The following FAM47E variants were observed in gnomAD, a reference collection of about 807,000 sequenced individuals.
FAM47E encodes the protein protein FAM47E.
Under a neutral mutation model 41.6 loss-of-function variants are expected in FAM47E, and 32 were observed. That is an observed-to-expected ratio of 0.77 (90% CI 0.58 to 1.03). The LOEUF (loss-of-function observed/expected upper bound fraction) is 1.03. Ranked by LOEUF, FAM47E falls within the 50% of genes least tolerant of loss-of-function variation. The pLI is 0.00. For synonymous variants in FAM47E, 184 were observed against 188.7 expected (o/e 0.98, Z 0.20); for missense variants, 424 against 485.4 (o/e 0.87, Z 1.19).
chr4:76,239,213 T>A (rs1469585793), intron 2 of FAM47E, among the ~76,000 whole-genome samples: 3 of 152,126 alleles, frequency 2.0e-5, no homozygotes, highest in African/African-American at 7.2e-5. Context: ...TGTACAGATA[T>A]CTCTTTGATA....
At chr4:76,248,863 G>A (rs183672891), upstream of FAM47E, among the ~76,000 whole-genome samples, 5 of 152,058 alleles carry the variant, frequency 3.3e-5, no homozygotes, top group Admixed American at 6.5e-5. Flanking sequence ...GTGAGTATAT[G>A]TTATTTAAGA....
At chr4:76,274,186 T>C (rs1368117227) in intron 5 of FAM47E, among the ~76,000 whole-genome samples, 2 of 152,232 alleles carry the variant, frequency 1.3e-5, no homozygotes, top group Non-Finnish European at 2.9e-5. Flanking sequence ...TTACTGGGTG[T>C]TGACTATTTG....
chr4:76,237,116 CGATCTCCTGACCTCGT>C (rs897562024), intron 2 of FAM47E, among the ~76,000 whole-genome samples: 33 of 151,920 alleles, frequency 2.2e-4, no homozygotes, highest in African/African-American at 6.5e-4. Context: ...AGGATGGTCT[CGATCTCCTGACCTCGT>C]GATCCACCCG....
intron 1 of FAM47E, among the ~76,000 whole-genome samples, chr4:76,255,717 G>A (rs761381773): frequency 1.2e-4 from 19 of 152,082 alleles, no homozygotes; most frequent in African/African-American, 2.7e-4. Flanking sequence ...ATGTGGTGGC[G>A]GCAGTTGGAA....
At chr4:76,279,191 C>T (rs1735250179) in intron 6 of FAM47E, 1 of 152,058 alleles carries the variant, frequency 6.6e-6, no homozygotes, top group Admixed American at 6.5e-5. Context: ...GGCAGAATTT[C>T]TTAGTATGGT....
chr4:76,227,550 G>A (rs1733418962), intron 2 of FAM47E, among the ~76,000 whole-genome samples: 1 of 151,916 alleles, frequency 6.6e-6, no homozygotes, highest in Non-Finnish European at 1.5e-5. Flanking sequence ...ATATCTATCT[G>A]GGGTATAGTT....
chr4:76,253,808 T>TAAAAAA (rs11410378), intron 1 of FAM47E, among the ~76,000 whole-genome samples: 13 of 145,122 alleles, frequency 9.0e-5, no homozygotes, highest in Admixed American at 8.9e-4. Flanking sequence ...TGTCTCGAAT[T>TAAAAAA]AAAAAAAAAA....
intron 2 of FAM47E, among the ~76,000 whole-genome samples, chr4:76,245,508 G>T (rs1430925337): frequency 6.6e-6 from 1 of 152,128 alleles, no homozygotes; most frequent in Non-Finnish European, 1.5e-5. Flanking sequence ...AAAATAGCCT[G>T]ACTGTTCCCT....
In FAM47E at chr4:76,221,017, A is replaced by G. The variant is rs986659848; in HGVS notation, c.81+3329A>G. On this transcript the variant is annotated intron_variant, in intron 2 of 7. Transcript: ENST00000510197. ...GAAACTGTACAACTCACAGGCCCCA[A>G]GGTCCCTCACTGATTCCTAATCAAC... Among the ~76,000 whole-genome samples, 12 of 152,304 alleles carry G rather than the reference A, an allele frequency of 7.9e-5. No homozygotes were observed. The East Asian group carries it at 2.3e-3, about 29-fold the overall frequency.
At chr4:76,239,582 T>G (rs1276653129) in intron 2 of FAM47E, among the ~76,000 whole-genome samples, 1 of 152,182 alleles carries the variant, frequency 6.6e-6, no homozygotes, top group Non-Finnish European at 1.5e-5. Context: ...CATGTTGTTT[T>G]TTGTTGTTGT....
In FAM47E at chr4:76,251,743, C is replaced by G. The variant is rs1733970108; in HGVS notation, c.-4C>G. 1 of 1,482,494 alleles carries G rather than the reference C, an allele frequency of 6.7e-7. No homozygotes were observed. Among genetic ancestry groups the G allele is most frequent in the Non-Finnish European group, 8.9e-7 (1 of 1,123,294 alleles). 91.8% of individuals were successfully genotyped at this position (1,482,494 alleles called of 1,614,324 possible). A position where few individuals can be genotyped will look rare whatever the true frequency, so the allele number is the denominator to read the frequency against. On this transcript the variant is annotated 5_prime_UTR_variant, in exon 1 of 8. Transcript: ENST00000424749. ...CGGACGGTGGCCGCGAAGCTAGGGC[C>G]ACCATGGCGGACCGCAGGCGGCGGC... is the stretch of plus-strand genomic sequence containing the variant.
At chr4:76,233,238 T>C (rs973932048) in intron 2 of FAM47E, among the ~76,000 whole-genome samples, 5 of 152,008 alleles carry the variant, frequency 3.3e-5, no homozygotes, top group Admixed American at 3.3e-4. Flanking sequence ...CAGCCAAGTT[T>C]TGCCTTCTTA....
At chr4:76,230,093 CAA>C (rs1362535127) in intron 2 of FAM47E, among the ~76,000 whole-genome samples, 18 of 152,160 alleles carry the variant, frequency 1.2e-4, no homozygotes, top group African/African-American at 4.3e-4. Context: ...ATGAAGCTCC[CAA>C]AAGTTTATGT....
chr4:76,283,408 G>GA lies in FAM47E; in HGVS notation c.1134dup (p.Cys379MetfsTer2). ...CCTTGAGAATATGTATATCGGGAAGGAATGTAAACGTGCATGTAATAAGAC... is the reference window on the plus strand; with the variant it reads ...CCTTGAGAATATGTATATCGGGAAGGAAATGTAAACGTGCATGTAATAAGAC... On this transcript the variant is annotated frameshift_variant, in exon 8 of 8. Coordinates refer to ENST00000424749, the MANE Select transcript of FAM47E (RefSeq NM_001136570.3). LOFTEE classifies it low-confidence loss of function (END_TRUNC). 1 of 1,548,362 alleles carries GA rather than the reference G, an allele frequency of 6.5e-7. No individual in the cohort carries two copies. Among genetic ancestry groups the GA allele is most frequent in the African/African-American group, 1.4e-5 (1 of 73,052 alleles).
chr4:76,263,873 T>A (rs1181998923), intron 3 of FAM47E, 30 bp downstream of exon 3: 1 of 1,544,580 alleles, frequency 6.5e-7, no homozygotes, highest in Non-Finnish European at 8.7e-7. Context: ...CTTCGATCAT[T>A]GCTGTCACCT....
chr4:76,274,687 T>C (rs1392817017), intron 5 of FAM47E, among the ~76,000 whole-genome samples: 1 of 152,190 alleles, frequency 6.6e-6, no homozygotes. Flanking sequence ...TGTGGATCTT[T>C]AGGTTTTCCA....
chr4:76,256,223 G>A lies in FAM47E; in HGVS notation c.120G>A (p.Leu40=). The change falls in exon 2 of 8, where the codon CTG becomes CTA. Residue 40 remains leucine, a synonymous_variant. Coordinates refer to ENST00000424749, the MANE Select transcript of FAM47E (RefSeq NM_001136570.3). ...ACGGGCTGAAGTTCCCCACCTCTCTGCACAGCCGGCAGTTGGTATTTCCAA... is the reference window on the plus strand; with the variant it reads ...ACGGGCTGAAGTTCCCCACCTCTCTACACAGCCGGCAGTTGGTATTTCCAA... ...HKNGLKFPTS[L]HSRQLVFPRK... 1 of 1,551,672 alleles carries A rather than the reference G, an allele frequency of 6.4e-7. No individual in the cohort carries two copies. Among genetic ancestry groups the A allele is most frequent in the Non-Finnish European group, 8.7e-7 (1 of 1,146,990 alleles).
At chr4:76,274,087 T>G (rs899071115) in intron 5 of FAM47E, among the ~76,000 whole-genome samples, 2 of 152,230 alleles carry the variant, frequency 1.3e-5, no homozygotes, top group African/African-American at 4.8e-5. Flanking sequence ...TTCCACTAGG[T>G]GATTTGTCTC....
At chr4:76,223,290 A>T (rs1733341063) in intron 2 of FAM47E, among the ~76,000 whole-genome samples, 1 of 152,120 alleles carries the variant, frequency 6.6e-6, no homozygotes. Flanking sequence ...AGGCTTTGGG[A>T]GACAGAATTG....
Sources: allele counts gnomAD v4.1 joint callset (sites outside exome capture counted in the v4.1 genomes callset), GRCh38; gene constraint gnomAD v4.1.1; transcripts MANE v1.5; gene names NCBI Gene and HGNC (gene_info 2026-07-23, HGNC 2026-07-21).